CC2D2A: variants seen among roughly 807,000 people sequenced by gnomAD.
CC2D2A encodes coiled-coil and C2 domain-containing protein 2A.
Under a neutral mutation model 212.9 loss-of-function variants are expected in CC2D2A, and 155 were observed. The observed-to-expected ratio is 0.73, with a 90% CI of 0.64 to 0.83. The LOEUF (loss-of-function observed/expected upper bound fraction) is 0.83, where lower values mean the gene tolerates loss of function less well. Among genes scored for constraint, CC2D2A ranks in the 40% least tolerant of loss-of-function variants. The probability of loss-of-function intolerance (pLI) is 0.00; values close to 1 mark genes in which losing one functional copy is unlikely to be tolerated. For synonymous variants in CC2D2A, 667 were observed against 686.5 expected (o/e 0.97, Z 0.44); for missense variants, 1,856 against 1,956.2 (o/e 0.95, Z 0.97).
At chr4:15,575,903 T>C (rs1720384649) in intron 29 of CC2D2A, among the ~76,000 whole-genome samples, 1 of 152,218 alleles carries the variant, frequency 6.6e-6, no homozygotes, top group Non-Finnish European at 1.5e-5. Flanking sequence ...GGGGTGTGTT[T>C]CTAAAACACG....
At chr4:15,562,557 T>TC (rs1194378724) in intron 23 of CC2D2A, among the ~76,000 whole-genome samples, 1 of 152,150 alleles carries the variant, frequency 6.6e-6, no homozygotes, top group Non-Finnish European at 1.5e-5. Context: ...TCCCTATACC[T>TC]CCTCCTCTTC....
intron 8 of CC2D2A, among the ~76,000 whole-genome samples, chr4:15,512,896 G>A (rs180749563): frequency 5.9e-4 from 90 of 151,284 alleles, no homozygotes; most frequent in African/African-American, 2.0e-3. Flanking sequence ...ACGTTGCAGT[G>A]AGCCGAGATT....
intron 6 of CC2D2A, 134 bp downstream of exon 6, chr4:15,503,057 G>A: frequency 1.7e-6 from 1 of 587,566 alleles, no homozygotes; most frequent in South Asian, 2.4e-5. Flanking sequence ...TACACTTTGG[G>A]AGACTGAGGT....
chr4:15,516,513 T>G (rs776271493), intron 10 of CC2D2A, 112 bp from the exon 11 acceptor site: 32 of 1,003,098 alleles, frequency 3.2e-5, no homozygotes, highest in Non-Finnish European at 4.6e-5. Context: ...GGGGAGGAAG[T>G]ACATGAAATA....
Position 15,552,489 on chromosome 4 carries a change from T to G in CC2D2A, c.2339-669T>G, listed in dbSNP as rs141657677. Among the ~76,000 whole-genome samples, 32 of 152,296 alleles carry G rather than the reference T, an allele frequency of 2.1e-4. 1 individual carries two copies. The highest frequency in any genetic ancestry group is 6.7e-4 in the African/African-American group (28 of 41,568). ...CTCTCCACTCTCCAAAGCACAAATT[T>G]TCTATATACCTTCCCTAATTTGTTT... On this transcript the variant is annotated intron_variant, in intron 18 of 36. Transcript: ENST00000424120.
At chr4:15,580,207 A>T in intron 30 of CC2D2A, 36 bp downstream of exon 30, 1 of 1,491,930 alleles carries the variant, frequency 6.7e-7, no homozygotes, top group Non-Finnish European at 9.3e-7. Context: ...CTGTGCTAAA[A>T]CTGTTTTCAC....
In CC2D2A at chr4:15,536,912, T is replaced by C. The variant is rs746466300; in HGVS notation, c.1608-8T>C. 1.9e-6 allele frequency: 3 copies of C among 1,611,508 alleles called. No individual in the cohort carries two copies. The highest frequency in any genetic ancestry group is 1.1e-5 in the South Asian group (1 of 90,578). On this transcript the variant is annotated splice_polypyrimidine_tract_variant and splice_region_variant and intron_variant, in intron 14 of 36. Coordinates refer to ENST00000424120, the MANE Select transcript of CC2D2A (RefSeq NM_001378615.1). ...GAAATAACCAAGGGACTACAAATTA[T>C]TTTAAAGGGAAAAAGCTGACCAGAA...
intron 4 of CC2D2A, chr4:15,493,044 T>G (rs1220756711): frequency 8.1e-6 from 3 of 371,302 alleles, no homozygotes; most frequent in Non-Finnish European, 1.6e-5. Context: ...AATATCCTAG[T>G]ATTCCATTCC....
Position 15,475,929 on chromosome 4 carries a change from CA to C in CC2D2A, c.1del. On this transcript the variant is annotated 5_prime_UTR_variant, in exon 2 of 37. Coordinates refer to ENST00000424120, the MANE Select transcript of CC2D2A (RefSeq NM_001378615.1). ...TTCTTTGTCAGGGACCCATCCCAGC[CA>C]AAATGAATCCCAGGGAAGAAAAAGT... 1.9e-6 allele frequency: 3 copies of C among 1,585,516 alleles called. No individual in the cohort carries two copies. The highest frequency in any genetic ancestry group is 2.6e-6 in the Non-Finnish European group (3 of 1,164,876).
At position 15,580,303 on chromosome 4, in the gene CC2D2A, G is replaced by C. The variant is rs921657218; in HGVS notation, c.3975+132G>C. On this transcript the variant is annotated intron_variant, in intron 30 of 36. Coordinates refer to ENST00000424120, the MANE Select transcript of CC2D2A (RefSeq NM_001378615.1). Reference sequence around the variant, plus strand: ...CGAGATCATTAATGACAAAAGTAATGATTAAAACATTTTTATTAACATGAG... The same window carrying C: ...CGAGATCATTAATGACAAAAGTAATCATTAAAACATTTTTATTAACATGAG... 12 of 729,190 alleles carry C rather than the reference G, an allele frequency of 1.6e-5. No individual in the cohort carries two copies. In the African/African-American group the frequency reaches 2.1e-4, roughly 13 times the overall value. The allele number at this position is 729,190 out of a possible 1,614,324, so 45.2% of individuals were successfully genotyped here.
At chr4:15,562,929 A>G (rs554025619) in intron 23 of CC2D2A, among the ~76,000 whole-genome samples, 1 of 152,336 alleles carries the variant, frequency 6.6e-6, no homozygotes, top group Non-Finnish European at 1.5e-5. Flanking sequence ...GGAGTAGCTG[A>G]GTCTCTGGGG....
At chr4:15,481,975 T>C (rs1279706547) in intron 4 of CC2D2A, 9 of 985,292 alleles carry the variant, frequency 9.1e-6, no homozygotes, top group Non-Finnish European at 9.6e-6. Context: ...TCTTCCCCAG[T>C]ACAATGAACA....
intron 4 of CC2D2A, among the ~76,000 whole-genome samples, chr4:15,501,657 G>A (rs1224663969): frequency 1.3e-5 from 2 of 152,086 alleles, no homozygotes; most frequent in African/African-American, 4.8e-5. Context: ...AGAGAATTGG[G>A]GAATGTGGGG....
At chr4:15,521,568 G>T (rs1435308503) in intron 11 of CC2D2A, among the ~76,000 whole-genome samples, 1 of 152,088 alleles carries the variant, frequency 6.6e-6, no homozygotes, top group Non-Finnish European at 1.5e-5. Flanking sequence ...CATGATGCAA[G>T]AGCAAGGCAA....
chr4:15,587,352 T>C (rs1303281460), intron 31 of CC2D2A, among the ~76,000 whole-genome samples: 4 of 152,158 alleles, frequency 2.6e-5, no homozygotes, highest in Non-Finnish European at 5.9e-5. Context: ...AGTCCACAGC[T>C]GGGGGACTGG....
Position 15,589,676 on chromosome 4 carries a change from C to T in CC2D2A, c.4311C>T (p.Asp1437=). Residue 1437 remains aspartate (D), a synonymous_variant, in exon 33 of 37, where the codon GAC becomes GAT. Transcript: ENST00000424120. ...LKNVGCLIGP[D]NIWFNIQRYE... ...ATGTGGGCTGTTTAATAGGTCCTGA[C>T]AATGTAAGTATTAACATTTCTTCTT... 6.5e-7 allele frequency: 1 copy of T among 1,546,264 alleles called. No individual in the cohort carries two copies. The highest frequency in any genetic ancestry group is 8.8e-7 in the Non-Finnish European group (1 of 1,142,524).
intron 29 of CC2D2A, 129 bp from the exon 30 acceptor site, chr4:15,579,839 A>G (rs1720578091): frequency 1.4e-6 from 1 of 701,634 alleles, no homozygotes; most frequent in Non-Finnish European, 2.5e-6. Flanking sequence ...ACACCAGGAC[A>G]TGACAGCTTT....
chr4:15,475,217 T>G (rs927324835), intron 1 of CC2D2A, among the ~76,000 whole-genome samples: 2 of 152,200 alleles, frequency 1.3e-5, no homozygotes, highest in Non-Finnish European at 2.9e-5. Flanking sequence ...GAGGTTGCAG[T>G]GAGCCGAGAT....
chr4:15,500,114 T>C lies in CC2D2A; in HGVS notation c.248-2315T>C, dbSNP rs1317366407. ...GTGTGTGTGTGTGTGTGTGTATATA[T>C]ATATATATATATATATATGTATTTT... On this transcript the variant is annotated intron_variant, in intron 4 of 36. Coordinates refer to ENST00000424120, the MANE Select transcript of CC2D2A (RefSeq NM_001378615.1). Among the ~76,000 whole-genome samples the C allele has an allele frequency of 3.9e-5, 3 of 76,820 alleles. 1 individual carries two copies. The highest frequency in any genetic ancestry group is 1.1e-4 in the African/African-American group (3 of 27,252). 50.4% of individuals were successfully genotyped at this position (76,820 alleles called of 152,430 possible). A position where few individuals can be genotyped will look rare whatever the true frequency, so the allele number is the denominator to read the frequency against.
Sources: allele counts gnomAD v4.1 joint callset (sites outside exome capture counted in the v4.1 genomes callset), GRCh38; gene constraint gnomAD v4.1.1; transcripts MANE v1.5; gene names NCBI Gene and HGNC (gene_info 2026-07-23, HGNC 2026-07-21).